The following CCDC7 variants were observed in gnomAD, a reference collection of about 807,000 sequenced individuals.
CCDC7 encodes the protein coiled-coil domain-containing protein 7.
CCDC7 carries 183 observed loss-of-function variants against 196.9 expected under a neutral mutation model. That is an observed-to-expected ratio of 0.93 (90% CI 0.82 to 1.05). The LOEUF is 1.05. Ranked by LOEUF, CCDC7 falls within the 50% of genes least tolerant of loss-of-function variation. The pLI, the probability that CCDC7 is intolerant of heterozygous loss-of-function variation, is 0.00. For missense variants in CCDC7, 1,540 were observed against 1,482.2 expected, an observed-to-expected ratio of 1.04 and a Z score of -0.64; for synonymous variants, 525 against 484.6, an observed-to-expected ratio of 1.08 and a Z score of -1.10.
intron 29 of CCDC7, among the ~76,000 whole-genome samples, chr10:32,779,655 AAGGCATC>A (rs1364405784): frequency 2.0e-5 from 3 of 152,192 alleles, no homozygotes; most frequent in Non-Finnish European, 1.5e-5. Flanking sequence ...TCACTCCTTA[AAGGCATC>A]AGGCAAACAC....
intron 13 of CCDC7, among the ~76,000 whole-genome samples, chr10:32,557,079 A>T (rs2054482660): frequency 6.6e-6 from 1 of 152,194 alleles, no homozygotes; most frequent in African/African-American, 2.4e-5. Flanking sequence ...TCAAATTTCA[A>T]TGAGAATAAA....
intron 41 of CCDC7, among the ~76,000 whole-genome samples, chr10:32,862,236 A>G (rs1445051577): frequency 6.6e-6 from 1 of 152,218 alleles, no homozygotes; most frequent in Non-Finnish European, 1.5e-5. Context: ...CTATGCAGCC[A>G]TAAAAAAGAA....
intron 8 of CCDC7, among the ~76,000 whole-genome samples, chr10:32,485,638 C>CTA (rs1450722657): frequency 6.6e-6 from 1 of 152,176 alleles, no homozygotes; most frequent in Non-Finnish European, 1.5e-5. Flanking sequence ...GCATTTAGTG[C>CTA]TATAAATTTC....
intron 22 of CCDC7, among the ~76,000 whole-genome samples, chr10:32,687,227 T>A (rs1348835983): frequency 1.3e-5 from 2 of 152,138 alleles, no homozygotes; most frequent in African/African-American, 4.8e-5. Context: ...CTCATGAACA[T>A]CTTTGGATTC....
At chr10:32,854,903 A>T (rs2093692130) in intron 41 of CCDC7, among the ~76,000 whole-genome samples, 1 of 151,362 alleles carries the variant, frequency 6.6e-6, no homozygotes, top group Non-Finnish European at 1.5e-5. Context: ...TATTTATGTC[A>T]CAGTGATTGC....
intron 39 of CCDC7, 139 bp downstream of exon 40, chr10:32,848,857 T>TA: frequency 1.4e-6 from 1 of 725,400 alleles, no homozygotes; most frequent in Non-Finnish European, 2.3e-6. Flanking sequence ...AGCGTAAAAA[T>TA]AAAATGGTTT....
intron 11 of CCDC7, among the ~76,000 whole-genome samples, chr10:32,537,615 TTA>T (rs2136024506): frequency 6.6e-6 from 1 of 152,322 alleles, no homozygotes; most frequent in East Asian, 1.9e-4. Flanking sequence ...TCCAGAGTTT[TTA>T]TAGTTTTGGG....
At position 32,491,637 on chromosome 10, in the gene CCDC7, T is replaced by C. The variant is rs112020223; in HGVS notation, c.797-285T>C. Among the ~76,000 whole-genome samples, 769 of 152,286 alleles carry C rather than the reference T, an allele frequency of 5.0e-3. 6 individuals are homozygous for C. The highest frequency in any genetic ancestry group is 6.4e-3 in the Non-Finnish European group (434 of 67,980). On this transcript the variant is annotated intron_variant, in intron 8 of 41. Coordinates refer to ENST00000639629, the Ensembl canonical transcript of CCDC7. Reference sequence around the variant, plus strand: ...GATATATAGTATTGATCAAGTTATGTAACCTCTTTGAGCCTGAACTTCTTT... The same window carrying C: ...GATATATAGTATTGATCAAGTTATGCAACCTCTTTGAGCCTGAACTTCTTT...
At chr10:32,664,863 A>AT (rs1204936510) in intron 21 of CCDC7, among the ~76,000 whole-genome samples, 1 of 151,990 alleles carries the variant, frequency 6.6e-6, no homozygotes, top group Non-Finnish European at 1.5e-5. Context: ...TTGTAGTTCT[A>AT]TTTTTAATTT....
At chr10:32,582,992 G>A (rs1203154781) in intron 16 of CCDC7, 42 bp from the exon 18 acceptor site, 4 of 1,165,250 alleles carry the variant, frequency 3.4e-6, no homozygotes, top group East Asian at 3.2e-5. Flanking sequence ...AAATAAAATG[G>A]TCTTCACATA....
chr10:32,770,842 T>C (rs2079057215), intron 28 of CCDC7, among the ~76,000 whole-genome samples: 1 of 152,178 alleles, frequency 6.6e-6, no homozygotes, highest in South Asian at 2.1e-4. Context: ...CTGACCATCA[T>C]TGTCTTTTTT....
chr10:32,685,524 G>T (rs1443501860), intron 21 of CCDC7, among the ~76,000 whole-genome samples: 1 of 152,126 alleles, frequency 6.6e-6, no homozygotes, highest in Non-Finnish European at 1.5e-5. Flanking sequence ...AAGAATCCAT[G>T]ACTGTATTCT....
At chr10:32,582,140 A>ATATATATAT (rs1177050764) in intron 16 of CCDC7, among the ~76,000 whole-genome samples, 113 of 128,490 alleles carry the variant, frequency 8.8e-4, no homozygotes, top group Non-Finnish European at 1.2e-3. Flanking sequence ...ATATATATAT[A>ATATATATAT]CTTTTTTTTT....
intron 15 of CCDC7, among the ~76,000 whole-genome samples, chr10:32,568,919 A>T (rs570245962): frequency 6.6e-6 from 1 of 152,222 alleles, no homozygotes; most frequent in Non-Finnish European, 1.5e-5. Flanking sequence ...TTGCTTGTCT[A>T]TATGGCTGCA....
intron 28 of CCDC7, among the ~76,000 whole-genome samples, chr10:32,739,751 C>T (rs971100637): frequency 2.6e-5 from 4 of 151,562 alleles, no homozygotes; most frequent in African/African-American, 7.3e-5. Context: ...GGTATGTAAG[C>T]ATTTAGTGTA....
At chr10:32,778,650 T>C (rs1450539327) in intron 28 of CCDC7, among the ~76,000 whole-genome samples, 1 of 152,228 alleles carries the variant, frequency 6.6e-6, no homozygotes, top group Non-Finnish European at 1.5e-5. Context: ...TTAGGATTGC[T>C]TTGGCTATTA....
At chr10:32,527,195 G>A (rs919716316) in intron 11 of CCDC7, among the ~76,000 whole-genome samples, 6 of 152,092 alleles carry the variant, frequency 3.9e-5, no homozygotes, top group African/African-American at 7.2e-5. Flanking sequence ...ACAGGGCAGC[G>A]CTGGGTTCAT....
intron 28 of CCDC7, among the ~76,000 whole-genome samples, chr10:32,760,417 A>T (rs879539314): frequency 4.6e-5 from 7 of 151,922 alleles, no homozygotes; most frequent in Non-Finnish European, 1.0e-4. Context: ...ATGCAGCCAT[A>T]AAAAATGATG....
At chr10:32,587,253 A>T (rs1460933987) in intron 18 of CCDC7, among the ~76,000 whole-genome samples, 2 of 152,156 alleles carry the variant, frequency 1.3e-5, no homozygotes, top group Non-Finnish European at 2.9e-5. Context: ...GTAACAGAAT[A>T]CCACAGACTG....
Sources: gnomAD v4.1 joint callset for allele counts (sites outside exome capture counted in the v4.1 genomes callset) on GRCh38, gnomAD v4.1.1 for gene constraint, MANE v1.5 for transcripts, NCBI Gene and HGNC (gene_info 2026-07-23, HGNC 2026-07-21) for gene names.